The following ANKRD11 variants were observed in gnomAD, a reference collection of about 807,000 sequenced individuals.
ANKRD11 encodes ankyrin repeat domain 11.
ANKRD11 carries 17 observed loss-of-function variants against 195.7 expected under a neutral mutation model. That is an observed-to-expected ratio of 0.09 (90% CI 0.06 to 0.13). The LOEUF (loss-of-function observed/expected upper bound fraction) is 0.13. ANKRD11 is among the 10% of genes least tolerant of loss of function. The pLI is 1.00. For synonymous variants in ANKRD11, 1,953 were observed against 1,528.1 expected, an observed-to-expected ratio of 1.28 and a Z score of -6.49; for missense variants, 3,735 against 3,566.1, an observed-to-expected ratio of 1.05 and a Z score of -1.21.
At chr16:89,381,985 C>T (rs888515516) in intron 2 of ANKRD11, among the ~76,000 whole-genome samples, 38 of 152,290 alleles carry the variant, frequency 2.5e-4, no homozygotes, top group African/African-American at 8.4e-4. Context: ...TGTCTGAGAT[C>T]GTTTAACTAA....
chr16:89,479,788 A>T (rs1281314040), intron 1 of ANKRD11, among the ~76,000 whole-genome samples: 2 of 151,696 alleles, frequency 1.3e-5, no homozygotes, highest in Non-Finnish European at 2.9e-5. Flanking sequence ...CTAAAAATAC[A>T]AAAAATTAGC....
chr16:89,456,542 C>CA (rs748076442), intron 1 of ANKRD11, among the ~76,000 whole-genome samples: 2,849 of 74,190 alleles, frequency 0.038, 35 homozygotes, highest in East Asian at 0.075. Flanking sequence ...GACTCCGTTT[C>CA]AAAAAAAAAA....
At chr16:89,325,624 G>A (rs772108217) in intron 2 of ANKRD11, among the ~76,000 whole-genome samples, 12 of 152,360 alleles carry the variant, frequency 7.9e-5, no homozygotes, top group Non-Finnish European at 1.5e-4. Context: ...GCTGCCTGGC[G>A]GATGGAATTG....
Position 89,281,654 on chromosome 16 carries a change from C to A in ANKRD11, c.4888G>T (p.Gly1630Trp). Residue 1630 changes from glycine to tryptophan, a missense_variant, in exon 9 of 13, where the codon GGG becomes TGG. Transcript: ENST00000301030. This position sits in a 1 kb window ranked among gnomAD's most constrained non-coding sequence, Gnocchi z 5.5. ...LKEKAKPADD[G>W]RKKGLDIPAK... ...GGAATGTCCAGACCCTTCTTCCGCC[C>A]GTCGTCTGCCGGCTTCGCCTTCTCC... 1.2e-6 allele frequency: 2 copies of A among 1,614,170 alleles called. No individual in the cohort carries two copies. Among genetic ancestry groups the A allele is most frequent in the South Asian group, 2.2e-5 (2 of 91,090 alleles).
chr16:89,327,802 C>A (rs2037814235), intron 2 of ANKRD11, among the ~76,000 whole-genome samples: 1 of 152,178 alleles, frequency 6.6e-6, no homozygotes, highest in East Asian at 1.9e-4. Flanking sequence ...TAGGAAAAAA[C>A]AGGAGAAAAT....
Position 89,280,525 on chromosome 16 carries a change from C to T in ANKRD11, c.6017G>A (p.Gly2006Glu), listed in dbSNP as rs933089649. The stretch of plus-strand genomic sequence containing the variant: ...CGGCGCCTCCGAGGCGCTGAAGGGC[C>T]CTGGGGCGGCAGAGTGGAGGGGGTC... Reference protein sequence around the residue: ...PADPLHSAAPGPFSASEAPYP... With the variant: ...PADPLHSAAPEPFSASEAPYP... The change falls in exon 9 of 13, where the codon GGG becomes GAG. Residue 2006 changes from glycine to glutamate, a missense_variant. Coordinates refer to ENST00000301030, the MANE Select transcript of ANKRD11 (RefSeq NM_013275.6). The T allele has an allele frequency of 3.7e-6, 6 of 1,611,694 alleles. No individual in the cohort carries two copies. The highest frequency in any genetic ancestry group is 4.5e-5 in the East Asian group (2 of 44,850).
chr16:89,269,766 T>C (rs1011331075), intron 12 of ANKRD11, among the ~76,000 whole-genome samples: 11 of 152,062 alleles, frequency 7.2e-5, no homozygotes, highest in African/African-American at 2.7e-4. Flanking sequence ...CAGCTAATTT[T>C]TGTATTTTTA....
At chr16:89,464,751 A>G (rs2056825666) in intron 1 of ANKRD11, among the ~76,000 whole-genome samples, 1 of 152,230 alleles carries the variant, frequency 6.6e-6, no homozygotes, top group African/African-American at 2.4e-5. Flanking sequence ...GAAATCAGAC[A>G]AATAACTTAA....
At chr16:89,375,947 C>T (rs546746753) in intron 2 of ANKRD11, among the ~76,000 whole-genome samples, 2 of 152,098 alleles carry the variant, frequency 1.3e-5, no homozygotes, top group Non-Finnish European at 2.9e-5. Flanking sequence ...GCTAAACTTG[C>T]GTGACACGCC....
At chr16:89,446,111 A>T (rs759549190) in intron 1 of ANKRD11, among the ~76,000 whole-genome samples, 53 of 152,182 alleles carry the variant, frequency 3.5e-4, no homozygotes, top group Non-Finnish European at 6.9e-4. Context: ...TCTTTAAAAA[A>T]AAAAAACTGT....
At chr16:89,315,214 T>C (rs988443943) in intron 3 of ANKRD11, among the ~76,000 whole-genome samples, 4 of 152,084 alleles carry the variant, frequency 2.6e-5, no homozygotes, top group African/African-American at 9.7e-5. Context: ...CTCAAGAGGA[T>C]GGGGGCGAGG....
At chr16:89,307,354 A>G (rs1025814089) in intron 3 of ANKRD11, among the ~76,000 whole-genome samples, 1 of 152,154 alleles carries the variant, frequency 6.6e-6, no homozygotes, top group Non-Finnish European at 1.5e-5. Context: ...GCATCCACCC[A>G]ACCTGCATCC....
intron 3 of ANKRD11, among the ~76,000 whole-genome samples, chr16:89,314,694 T>C (rs2036842365): frequency 6.6e-6 from 1 of 152,136 alleles, no homozygotes; most frequent in Non-Finnish European, 1.5e-5. Context: ...GAGCTCCCTC[T>C]TTCCTCCACT....
intron 2 of ANKRD11, among the ~76,000 whole-genome samples, chr16:89,392,031 G>A (rs2041220822): frequency 6.6e-6 from 1 of 151,970 alleles, no homozygotes; most frequent in African/African-American, 2.4e-5. Flanking sequence ...TCCTTCCTTT[G>A]TTCTCCTCTG....
intron 1 of ANKRD11, among the ~76,000 whole-genome samples, chr16:89,438,070 G>A (rs762394474): frequency 6.6e-6 from 1 of 152,224 alleles, no homozygotes; most frequent in Non-Finnish European, 1.5e-5. Flanking sequence ...GTCCCAAGGA[G>A]AGCCCGCTGG....
intron 2 of ANKRD11, among the ~76,000 whole-genome samples, chr16:89,403,981 T>G (rs1399610386): frequency 1.3e-5 from 2 of 152,082 alleles, no homozygotes; most frequent in African/African-American, 4.8e-5. Context: ...GGAGCAAGAT[T>G]ATAAAACTAA....
rs570533172 is a variant in ANKRD11 at position 89,478,120 on chromosome 16, T to C, written c.-145+12125A>G. Among the ~76,000 whole-genome samples, 3 of 152,304 alleles carry C rather than the reference T, an allele frequency of 2.0e-5. No homozygotes were observed. The South Asian group carries it at 6.2e-4, about 32-fold the overall frequency. ...GAGCGCTTAATAAACTGAAATTTTG[T>C]TTAACACTTTCAGGAACAGTTCCCA... On this transcript the variant is annotated intron_variant, in intron 1 of 12. Coordinates refer to ENST00000301030, the MANE Select transcript of ANKRD11 (RefSeq NM_013275.6).
chr16:89,392,647 A>G (rs1022695128), intron 2 of ANKRD11: 1 of 150,612 alleles, frequency 6.6e-6, no homozygotes, highest in African/African-American at 2.4e-5. Context: ...TTAACGATCA[A>G]CTCAGCATCT....
Position 89,422,594 on chromosome 16 carries a change from A to C in ANKRD11, c.-144-4226T>G, listed in dbSNP as rs978734176. On this transcript the variant is annotated intron_variant, in intron 1 of 12. Transcript: ENST00000301030. Reference sequence around the variant, plus strand: ...ACCCAATCGCACCCCACCTCTTTCAACGCCCTGGGCTCTCCCCTCGCTTTG... The same window carrying C: ...ACCCAATCGCACCCCACCTCTTTCACCGCCCTGGGCTCTCCCCTCGCTTTG... Among the ~76,000 whole-genome samples, 113 of 152,236 alleles carry C rather than the reference A, an allele frequency of 7.4e-4. 1 individual carries two copies. The highest frequency in any genetic ancestry group is 2.1e-4 in the Non-Finnish European group (14 of 68,004).
Sources: gnomAD v4.1 joint callset for allele counts (sites outside exome capture counted in the v4.1 genomes callset) on GRCh38, gnomAD v4.1.1 for gene constraint, Gnocchi (gnomAD v3.1) non-coding constraint, MANE v1.5 for transcripts, NCBI Gene and HGNC (gene_info 2026-07-23, HGNC 2026-07-21) for gene names.